Variants in FSD1L observed in about 807,000 individuals in gnomAD.
The protein encoded by FSD1L is FSD1-like protein.
FSD1L carries 45 observed loss-of-function variants against 71.6 expected under a neutral mutation model. The ratio of observed to expected loss-of-function variants is 0.63; its 90% CI spans 0.49 to 0.81. FSD1L has a LOEUF of 0.81. Among genes scored for constraint, FSD1L ranks in the 30% least tolerant of loss-of-function variants. The pLI is 0.00. For synonymous variants in FSD1L, 197 were observed against 207.2 expected (o/e 0.95, Z 0.42); for missense variants, 561 against 618.1 (o/e 0.91, Z 0.98).
In FSD1L at chr9:105,550,319, C is replaced by T. The variant is rs1837214679; in HGVS notation, c.*3836C>T. The T allele has an allele frequency of 6.6e-6, 1 of 151,898 alleles. No homozygotes were observed. The highest frequency in any genetic ancestry group is 1.5e-5 in the Non-Finnish European group (1 of 67,862). 9.4% of individuals were successfully genotyped at this position (151,898 alleles called of 1,614,324 possible). ...ACATGTAATGGGCCTGAAAAAGTTTCTTCTTTGATTATGTAGTTACTCTAG... is the reference window on the plus strand; with the variant it reads ...ACATGTAATGGGCCTGAAAAAGTTTTTTCTTTGATTATGTAGTTACTCTAG... On this transcript the variant is annotated 3_prime_UTR_variant, in exon 14 of 14. Transcript: ENST00000481272.
chr9:105,513,594 G>C (rs1392575479), intron 10 of FSD1L: 3 of 1,531,204 alleles, frequency 2.0e-6, no homozygotes, highest in Non-Finnish European at 2.6e-6. Flanking sequence ...GTTTTTATCT[G>C]ACAGTGTCCA....
At chr9:105,449,804 C>T (rs1412100572) in intron 1 of FSD1L, among the ~76,000 whole-genome samples, 2 of 152,204 alleles carry the variant, frequency 1.3e-5, no homozygotes, top group African/African-American at 4.8e-5. Flanking sequence ...GAAGGTCATG[C>T]TACTAGCCCT....
chr9:105,531,153 T>G (rs1363423491), intron 10 of FSD1L, among the ~76,000 whole-genome samples: 3 of 152,218 alleles, frequency 2.0e-5, no homozygotes, highest in Non-Finnish European at 1.5e-5. Flanking sequence ...CTGAAATTCT[T>G]AATTTAAAAA....
At chr9:105,533,267 A>G (rs1000079235) in intron 10 of FSD1L, among the ~76,000 whole-genome samples, 11 of 152,018 alleles carry the variant, frequency 7.2e-5, no homozygotes, top group African/African-American at 2.2e-4. Flanking sequence ...TTTGAATGTT[A>G]GTAAACATCC....
chr9:105,499,886 T>C (rs149259109), intron 7 of FSD1L, among the ~76,000 whole-genome samples: 1 of 152,334 alleles, frequency 6.6e-6, no homozygotes, highest in Non-Finnish European at 1.5e-5. Flanking sequence ...CAATCTTTTT[T>C]GTCTTTGCTG....
intron 1 of FSD1L, among the ~76,000 whole-genome samples, chr9:105,453,651 A>G (rs1203877574): frequency 6.6e-6 from 1 of 152,222 alleles, no homozygotes; most frequent in Non-Finnish European, 1.5e-5. Flanking sequence ...ACCACTATAT[A>G]TAATACAGAT....
At chr9:105,484,917 C>T (rs1564101779) in intron 7 of FSD1L, among the ~76,000 whole-genome samples, 1 of 151,932 alleles carries the variant, frequency 6.6e-6, no homozygotes, top group African/African-American at 2.4e-5. Flanking sequence ...AAATTGATAC[C>T]TCTAAAATAT....
chr9:105,506,735 G>T, intron 8 of FSD1L, 127 bp downstream of exon 8: 1 of 619,054 alleles, frequency 1.6e-6, no homozygotes, highest in Non-Finnish European at 2.7e-6. Flanking sequence ...TAGATACTCA[G>T]TATGGAAGTG....
At chr9:105,446,385 G>A (rs1168285845), upstream of FSD1L, among the ~76,000 whole-genome samples, 1 of 152,156 alleles carries the variant, frequency 6.6e-6, no homozygotes, top group Non-Finnish European at 1.5e-5. Flanking sequence ...TTATTTAGGA[G>A]CTGGGGTCTC....
intron 7 of FSD1L, among the ~76,000 whole-genome samples, chr9:105,505,697 G>C (rs1834016009): frequency 6.6e-6 from 1 of 152,152 alleles, no homozygotes; most frequent in South Asian, 2.1e-4. Context: ...TACATTAATT[G>C]ATTTCAAATG....
At chr9:105,449,116 A>G (rs1232099335) in intron 1 of FSD1L, among the ~76,000 whole-genome samples, 1 of 152,256 alleles carries the variant, frequency 6.6e-6, no homozygotes, top group Non-Finnish European at 1.5e-5. Flanking sequence ...CAGGGAAAAC[A>G]AAGACATATC....
intron 7 of FSD1L, among the ~76,000 whole-genome samples, chr9:105,497,951 TTC>T (rs1833519125): frequency 6.6e-6 from 1 of 152,036 alleles, no homozygotes; most frequent in Non-Finnish European, 1.5e-5. Flanking sequence ...TCAAGGGATC[TTC>T]CTGCCACAGC....
intron 5 of FSD1L, among the ~76,000 whole-genome samples, chr9:105,473,506 C>T (rs1307875507): frequency 1.3e-5 from 2 of 152,164 alleles, no homozygotes; most frequent in Non-Finnish European, 2.9e-5. Flanking sequence ...GACTGTTGTA[C>T]TTGATACTGC....
chr9:105,471,853 G>T, intron 4 of FSD1L, 51 bp from the exon 5 acceptor site: 3 of 660,906 alleles, frequency 4.5e-6, no homozygotes, highest in South Asian at 2.7e-5. Context: ...GATTCTAATG[G>T]CAATAGGAAA....
rs1835170212 is a variant in FSD1L, at chr9:105,521,710, G to C, written c.1025+8774G>C. ...GGAGAAAAAAGAGAAGAGGAAAATG[G>C]GACCAATACTGCTGATCATGTTCGA... On this transcript the variant is annotated intron_variant, in intron 10 of 13. Transcript: ENST00000481272. 3.9e-5 allele frequency: 63 copies of C among 1,613,296 alleles called. No homozygotes were observed. In the South Asian group the frequency reaches 6.9e-4, roughly 18 times the overall value.
At chr9:105,444,962 G>T (rs996903188), upstream of FSD1L, among the ~76,000 whole-genome samples, 5 of 152,220 alleles carry the variant, frequency 3.3e-5, no homozygotes, top group Non-Finnish European at 7.3e-5. Flanking sequence ...AAGTTATGAG[G>T]TGATGTGGAT....
At chr9:105,444,136 G>A (rs79104141), upstream of FSD1L, among the ~76,000 whole-genome samples, 1,067 of 152,202 alleles carry the variant, frequency 7.0e-3, 12 homozygotes, top group African/African-American at 0.024. Flanking sequence ...GTCTTTTAAG[G>A]CCCCAAAGAT....
intron 7 of FSD1L, among the ~76,000 whole-genome samples, chr9:105,502,560 C>A (rs1459652253): frequency 6.6e-6 from 1 of 152,108 alleles, no homozygotes; most frequent in Non-Finnish European, 1.5e-5. Context: ...ACTTTTCTCC[C>A]CTAAAATCCA....
rs1488533952 is a variant in FSD1L at position 105,546,487 on chromosome 9, C to G, written c.*4C>G. The stretch of plus-strand genomic sequence containing the variant: ...GAACAATGTTGTTACTCAATAGTGT[C>G]TACTCAGAATACGTTTACCCTCCGT... On this transcript the variant is annotated 3_prime_UTR_variant, in exon 14 of 14. Transcript: ENST00000481272. The G allele has an allele frequency of 9.1e-6, 14 of 1,537,966 alleles. No homozygotes were observed. The highest frequency in any genetic ancestry group is 1.1e-5 in the Non-Finnish European group (13 of 1,142,206).
Sources: allele counts gnomAD v4.1 joint callset (sites outside exome capture counted in the v4.1 genomes callset), GRCh38; gene constraint gnomAD v4.1.1; transcripts MANE v1.5; gene names NCBI Gene and HGNC (gene_info 2026-07-23, HGNC 2026-07-21).